Variants in ATP2B2 observed in about 807,000 individuals in gnomAD.
The protein encoded by ATP2B2 is ATPase plasma membrane Ca2+ transporting 2.
A neutral mutation model predicts 120.0 loss-of-function variants in ATP2B2; 15 were observed. That is an observed-to-expected ratio of 0.12 (90% CI 0.08 to 0.19). ATP2B2 has a LOEUF of 0.19. Ranked by LOEUF, ATP2B2 falls within the 10% of genes least tolerant of loss-of-function variation. The pLI is 1.00. For missense variants in ATP2B2, 1,045 were observed against 1,719.8 expected, an observed-to-expected ratio of 0.61 and a Z score of 6.94; for synonymous variants, 694 against 700.3, an observed-to-expected ratio of 0.99 and a Z score of 0.14.
At chr3:10,332,746 TGC>T (rs1412510718) in intron 22 of ATP2B2, among the ~76,000 whole-genome samples, 2 of 152,268 alleles carry the variant, frequency 1.3e-5, no homozygotes, top group African/African-American at 4.8e-5. Context: ...TCTGACCTCT[TGC>T]CACGCCCTTG....
intron 22 of ATP2B2, among the ~76,000 whole-genome samples, chr3:10,337,731 G>C (rs1204933094): frequency 6.6e-6 from 1 of 152,080 alleles, no homozygotes; most frequent in African/African-American, 2.4e-5. Context: ...TGAAGCCCCC[G>C]TGGAGGCGGC....
chr3:10,507,037 AGCCCCATGGAAGGGTGCCCACCT>A (rs2066652024), upstream of ATP2B2, among the ~76,000 whole-genome samples: 1 of 152,180 alleles, frequency 6.6e-6, no homozygotes, highest in South Asian at 2.1e-4. Context: ...CTCAGCCCCC[AGCCCCATGGAAGGGTGCCCACCT>A]GCCCCTTAGC....
intron 2 of ATP2B2, among the ~76,000 whole-genome samples, chr3:10,413,293 T>C (rs2062674473): frequency 6.6e-6 from 1 of 152,206 alleles, no homozygotes; most frequent in Admixed American, 6.5e-5. Flanking sequence ...ATGCTGACCA[T>C]GAGATCTCCA....
At chr3:10,388,915 C>A (rs191497607) in intron 5 of ATP2B2, among the ~76,000 whole-genome samples, 1 of 152,338 alleles carries the variant, frequency 6.6e-6, no homozygotes, top group East Asian at 1.9e-4. Flanking sequence ...AAAGTACACT[C>A]ATTACTATAC....
chr3:10,535,385 ATGTGTGTGTGTGTG>A (rs34707434), intron 2 of ATP2B2, among the ~76,000 whole-genome samples: 2 of 147,064 alleles, frequency 1.4e-5, no homozygotes, highest in South Asian at 4.4e-4. Context: ...CAGCAGTTTG[ATGTGTGTGTGTGTG>A]TGTGTGTGTG....
Position 10,340,818 on chromosome 3 carries a change from T to A in ATP2B2, c.2918-114A>T. The A allele has an allele frequency of 9.6e-7, 1 of 1,046,070 alleles. No homozygotes were observed. The highest frequency in any genetic ancestry group is 1.5e-6 in the Non-Finnish European group (1 of 688,716). 64.8% of individuals were successfully genotyped at this position (1,046,070 alleles called of 1,614,324 possible). A position where few individuals can be genotyped will look rare whatever the true frequency, so the allele number is the denominator to read the frequency against. On this transcript the variant is annotated intron_variant, in intron 19 of 22. Transcript: ENST00000360273. The surrounding 1 kb of genome is among the most constrained non-coding windows in gnomAD (Gnocchi z 5.0). ...AGCAGTGACGTGAATCCCCAAGACA[T>A]CAAGGCATGCTTGGACAGTGGGGGG...
At chr3:10,611,457 TCTTG>T (rs1219113494) in intron 2 of ATP2B2, among the ~76,000 whole-genome samples, 1 of 152,172 alleles carries the variant, frequency 6.6e-6, no homozygotes, top group East Asian at 1.9e-4. Context: ...TTGAGCTCTC[TCTTG>T]CTTCAGTCCT....
At chr3:10,462,350 A>G (rs1366163986) in intron 1 of ATP2B2, among the ~76,000 whole-genome samples, 1 of 152,106 alleles carries the variant, frequency 6.6e-6, no homozygotes, top group Non-Finnish European at 1.5e-5. Flanking sequence ...CAGACCCAGG[A>G]AGCATCAGCA....
Position 10,326,427 on chromosome 3 carries a change from T to C in ATP2B2, c.*2387A>G, listed in dbSNP as rs2059859093. ...AACCCCTCCTGGCTCCGAATGAACA[T>C]GGAGCATGGTGTGCAAACACAGCTA... On this transcript the variant is annotated 3_prime_UTR_variant, in exon 23 of 23. Transcript: ENST00000360273. 1 of 316,850 alleles carries C rather than the reference T, an allele frequency of 3.2e-6. No homozygotes were observed. 19.6% of individuals were successfully genotyped at this position (316,850 alleles called of 1,614,324 possible).
chr3:10,558,102 T>C (rs1048388022), intron 2 of ATP2B2, among the ~76,000 whole-genome samples: 2 of 152,200 alleles, frequency 1.3e-5, no homozygotes, highest in Non-Finnish European at 1.5e-5. Context: ...ATTCTCCATA[T>C]AGATGCCAGT....
At chr3:10,699,960 A>T (rs79627663) in intron 1 of ATP2B2, among the ~76,000 whole-genome samples, 9,512 of 152,208 alleles carry the variant, frequency 0.062, 881 homozygotes, top group African/African-American at 0.2. Flanking sequence ...TCTTATAAAT[A>T]ACCCGGTTTC....
At chr3:10,383,551 AAGCACACACTTTAG>A (rs1325738116) in intron 8 of ATP2B2, among the ~76,000 whole-genome samples, 1 of 152,174 alleles carries the variant, frequency 6.6e-6, no homozygotes, top group African/African-American at 2.4e-5. Flanking sequence ...TCAGGAGGAG[AAGCACACACTTTAG>A]AGCCAGCCAG....
chr3:10,533,851 C>T (rs1170614590), intron 3 of ATP2B2, among the ~76,000 whole-genome samples: 1 of 152,206 alleles, frequency 6.6e-6, no homozygotes, highest in Non-Finnish European at 1.5e-5. Context: ...ATAGGGCTTC[C>T]AGGGAATTTC....
At chr3:10,504,428 A>C (rs2066520938) in intron 1 of ATP2B2, among the ~76,000 whole-genome samples, 1 of 152,224 alleles carries the variant, frequency 6.6e-6, no homozygotes, top group African/African-American at 2.4e-5. Flanking sequence ...GCAGCGTCGC[A>C]CTAAGACCCT....
intron 3 of ATP2B2, among the ~76,000 whole-genome samples, chr3:10,404,634 G>A (rs1484777903): frequency 6.6e-6 from 1 of 152,226 alleles, no homozygotes; most frequent in African/African-American, 2.4e-5. Context: ...CTGGCTTTAT[G>A]AAGCCCTGAG....
intron 1 of ATP2B2, among the ~76,000 whole-genome samples, chr3:10,690,490 C>T (rs2071638269): frequency 6.6e-6 from 1 of 150,678 alleles, no homozygotes; most frequent in Non-Finnish European, 1.5e-5. Flanking sequence ...ATATCTCCTT[C>T]ACCCCTTAAC....
intron 3 of ATP2B2, among the ~76,000 whole-genome samples, chr3:10,529,351 T>C (rs533943375): frequency 1.3e-5 from 2 of 152,252 alleles, no homozygotes; most frequent in African/African-American, 2.4e-5. Context: ...TTCCTGCCTG[T>C]AACCACCTTG....
chr3:10,490,400 C>CTT (rs34189325), intron 1 of ATP2B2, among the ~76,000 whole-genome samples: 86,832 of 136,698 alleles, frequency 0.64, 29,615 homozygotes, highest in African/African-American at 0.9. Context: ...CCACGGCATT[C>CTT]TTTTTTTTTT....
chr3:10,659,748 A>C (rs1251444169), intron 1 of ATP2B2, among the ~76,000 whole-genome samples: 1 of 152,270 alleles, frequency 6.6e-6, no homozygotes, highest in Non-Finnish European at 1.5e-5. Context: ...AGTGGACCTA[A>C]TAGACATCTA....
Sources: gnomAD v4.1 joint callset for allele counts (sites outside exome capture counted in the v4.1 genomes callset) on GRCh38, gnomAD v4.1.1 for gene constraint, Gnocchi (gnomAD v3.1) non-coding constraint, MANE v1.5 for transcripts, NCBI Gene and HGNC (gene_info 2026-07-23, HGNC 2026-07-21) for gene names.